Variants in CDH12 observed in about 807,000 individuals in gnomAD.
CDH12 encodes cadherin-12.
A neutral mutation model predicts 74.1 loss-of-function variants in CDH12; 41 were observed. The ratio of observed to expected loss-of-function variants is 0.55; its 90% CI spans 0.43 to 0.72. The LOEUF (loss-of-function observed/expected upper bound fraction) is 0.72. CDH12 is among the 30% of genes least tolerant of loss of function. The probability of loss-of-function intolerance (pLI) is 0.00; values close to 1 mark genes in which losing one functional copy is unlikely to be tolerated. For synonymous variants in CDH12, 399 were observed against 355.0 expected (o/e 1.12, Z -1.39); for missense variants, 945 against 977.2 (o/e 0.97, Z 0.44).
At chr5:21,809,985 T>G (rs1747659413) in intron 9 of CDH12, among the ~76,000 whole-genome samples, 1 of 152,104 alleles carries the variant, frequency 6.6e-6, no homozygotes, top group Non-Finnish European at 1.5e-5. Flanking sequence ...AAAGAACATG[T>G]AAGAATTCAT....
intron 2 of CDH12, among the ~76,000 whole-genome samples, chr5:22,410,764 C>CT (rs1250137378): frequency 6.6e-6 from 1 of 151,938 alleles, no homozygotes. Flanking sequence ...GAAGATTATT[C>CT]TTTAAAAAAA....
intron 3 of CDH12, among the ~76,000 whole-genome samples, chr5:22,269,273 TG>T (rs1736277229): frequency 1.3e-5 from 2 of 152,174 alleles, no homozygotes; most frequent in African/African-American, 4.8e-5. Flanking sequence ...CATTCTTTTG[TG>T]TAATTCAGTT....
intron 3 of CDH12, among the ~76,000 whole-genome samples, chr5:22,274,201 T>G (rs1010775553): frequency 1.3e-5 from 2 of 152,130 alleles, no homozygotes; most frequent in African/African-American, 4.8e-5. Context: ...AGCCATATGT[T>G]TTTTGTCAAA....
intron 3 of CDH12, among the ~76,000 whole-genome samples, chr5:22,270,594 C>CA (rs533235770): frequency 0.12 from 15,519 of 127,644 alleles, 1,102 homozygotes; most frequent in African/African-American, 0.23. Flanking sequence ...GACACCGTCT[C>CA]AAAAAAAAAA....
At chr5:21,764,646 A>G (rs1561164198) in intron 12 of CDH12, among the ~76,000 whole-genome samples, 1 of 103,646 alleles carries the variant, frequency 9.6e-6, no homozygotes, top group East Asian at 2.6e-4. Context: ...AAGACTTCAT[A>G]TCAAGAAAAA....
rs1330484706 is a variant in CDH12, at chr5:21,975,270, C to A, written c.347G>T (p.Ser116Ile). The change falls in exon 6 of 15, where the codon AGC becomes ATC. Residue 116 changes from serine (S) to isoleucine (I), a missense_variant. By Grantham distance (142) the Ser-to-Ile change is moderately radical. Around this residue, in one of 3 missense-constraint regions of CDH12, gnomAD observed 148 missense variants for 162.8 expected, o/e 0.91. Transcript: ENST00000382254. ...ETTGDIHAIRSLDREEKPFYT... is the reference protein window; with the variant it reads ...ETTGDIHAIRILDREEKPFYT... ...GAAAGGTTTCTCTTCTCTATCTAGG[C>A]TCCTTATTGCATGAATGTCCCCTGT... 6.3e-7 allele frequency: 1 copy of A among 1,597,272 alleles called. No homozygotes were observed. The highest frequency in any genetic ancestry group is 8.5e-7 in the Non-Finnish European group (1 of 1,179,632).
chr5:22,786,372 T>C (rs540194548), intron 1 of CDH12, among the ~76,000 whole-genome samples: 5 of 152,316 alleles, frequency 3.3e-5, no homozygotes, highest in Middle Eastern at 3.4e-3. Flanking sequence ...AGACCTGAAG[T>C]GGCTACTTTC....
intron 4 of CDH12, among the ~76,000 whole-genome samples, chr5:22,162,631 T>C: frequency 6.6e-6 from 1 of 152,106 alleles, no homozygotes; most frequent in Admixed American, 6.6e-5. Context: ...ATGATGTGTT[T>C]ATTTTTAAAA....
intron 7 of CDH12, among the ~76,000 whole-genome samples, chr5:21,843,608 G>A (rs894176176): frequency 7.9e-5 from 12 of 151,480 alleles, no homozygotes; most frequent in Non-Finnish European, 1.6e-4. Flanking sequence ...TCCGCCTCCC[G>A]GGTTCAAGTG....
chr5:22,397,454 A>AG (rs1386895231), intron 3 of CDH12, among the ~76,000 whole-genome samples: 1 of 147,614 alleles, frequency 6.8e-6, no homozygotes, highest in South Asian at 2.1e-4. Context: ...AATTGATTCC[A>AG]GGTTTTTTTT....
chr5:22,042,679 A>C (rs558287162), intron 5 of CDH12, among the ~76,000 whole-genome samples: 203 of 152,224 alleles, frequency 1.3e-3, no homozygotes, highest in Non-Finnish European at 2.3e-3. Flanking sequence ...TGAGCCCAAG[A>C]GTTTGACACC....
At chr5:21,870,215 T>G (rs910159898) in intron 6 of CDH12, among the ~76,000 whole-genome samples, 1 of 152,152 alleles carries the variant, frequency 6.6e-6, no homozygotes, top group African/African-American at 2.4e-5. Flanking sequence ...TGCCCAGTCT[T>G]GGGTATGTCT....
intron 3 of CDH12, among the ~76,000 whole-genome samples, chr5:22,374,632 TA>T (rs914506544): frequency 1.3e-5 from 2 of 152,058 alleles, no homozygotes; most frequent in African/African-American, 4.8e-5. Context: ...AAAATCAACA[TA>T]AAAAATCATA....
intron 2 of CDH12, among the ~76,000 whole-genome samples, chr5:22,494,282 C>T (rs567410806): frequency 1.4e-4 from 21 of 152,234 alleles, no homozygotes; most frequent in African/African-American, 5.1e-4. Context: ...AAGCTGTGCA[C>T]ATTAGGTGAA....
chr5:22,223,602 C>G (rs1328484432), intron 3 of CDH12, among the ~76,000 whole-genome samples: 3 of 151,988 alleles, frequency 2.0e-5, no homozygotes, highest in African/African-American at 7.2e-5. Context: ...AAAATGCATA[C>G]AGGACTTGAG....
At chr5:22,584,691 T>C (rs1460574486) in intron 1 of CDH12, among the ~76,000 whole-genome samples, 2 of 152,180 alleles carry the variant, frequency 1.3e-5, no homozygotes, top group African/African-American at 4.8e-5. Flanking sequence ...TTAGCTCATT[T>C]CTTCCTTCTT....
chr5:22,494,799 T>A (rs1747034656), intron 2 of CDH12, among the ~76,000 whole-genome samples: 1 of 152,194 alleles, frequency 6.6e-6, no homozygotes, highest in South Asian at 2.1e-4. Flanking sequence ...TGCAAGTTTA[T>A]AACTAGAATT....
chr5:22,424,002 CAAAAAAAAAA>C (rs1165781089), intron 2 of CDH12, among the ~76,000 whole-genome samples: 1 of 31,224 alleles, frequency 3.2e-5, no homozygotes, highest in South Asian at 1.7e-3. Context: ...GACTCTGTCT[CAAAAAAAAAA>C]AAAAAAAAAA....
At chr5:22,625,494 T>C (rs1266104478) in intron 1 of CDH12, among the ~76,000 whole-genome samples, 1 of 152,124 alleles carries the variant, frequency 6.6e-6, no homozygotes, top group Non-Finnish European at 1.5e-5. Flanking sequence ...GATGCCAGCC[T>C]GTATGGAGCC....
Sources: gnomAD v4.1 joint callset for allele counts (sites outside exome capture counted in the v4.1 genomes callset) on GRCh38, gnomAD v4.1.1 for gene constraint, gnomAD v4.1.1 regional missense constraint, MANE v1.5 for transcripts, NCBI Gene and HGNC (gene_info 2026-07-23, HGNC 2026-07-21) for gene names.